DNAH3: variants seen among roughly 807,000 people sequenced by gnomAD.
DNAH3 encodes the protein axonemal beta dynein heavy chain 3.
DNAH3 carries 332 observed loss-of-function variants against 432.5 expected under a neutral mutation model. The observed-to-expected ratio is 0.77, with a 90% CI of 0.70 to 0.84. The LOEUF (loss-of-function observed/expected upper bound fraction) is 0.84. DNAH3 is among the 40% of genes least tolerant of loss of function. DNAH3 has a pLI of 0.00. For missense variants in DNAH3, 4,861 were observed against 5,114.0 expected (o/e 0.95, Z 1.51); for synonymous variants, 1,956 against 1,900.2 (o/e 1.03, Z -0.76).
At chr16:21,147,395 T>C (rs1180299015) in intron 1 of DNAH3, among the ~76,000 whole-genome samples, 1 of 152,032 alleles carries the variant, frequency 6.6e-6, no homozygotes, top group Non-Finnish European at 1.5e-5. Context: ...TTCATATTTT[T>C]AGTAGAGACG....
intron 18 of DNAH3, among the ~76,000 whole-genome samples, chr16:21,091,801 A>G (rs1470650037): frequency 1.3e-5 from 2 of 152,134 alleles, no homozygotes; most frequent in Non-Finnish European, 2.9e-5. Flanking sequence ...GGGTGACAGA[A>G]TAAGACTCTG....
exon 42 of DNAH3, chr16:21,003,104 C>T (rs1171639259): frequency 6.3e-7 from 1 of 1,596,814 alleles, no homozygotes; most frequent in Admixed American, 1.7e-5. Flanking sequence ...CTCTTTATAC[C>T]TTTGCACCAG....
intron 35 of DNAH3, 25 bp from the exon 36 acceptor site, chr16:21,034,110 A>G: frequency 6.6e-7 from 1 of 1,517,446 alleles, no homozygotes; most frequent in South Asian, 1.1e-5. Context: ...CATTCATAAA[A>G]GAAGCTAATC....
intron 48 of DNAH3, among the ~76,000 whole-genome samples, chr16:20,983,280 C>A (rs988350601): frequency 2.6e-5 from 4 of 152,112 alleles, no homozygotes; most frequent in African/African-American, 9.7e-5. Flanking sequence ...CACCCACCAC[C>A]ACTTCCAGCT....
At chr16:21,128,865 G>GA (rs766015503) in intron 7 of DNAH3, among the ~76,000 whole-genome samples, 1,495 of 55,800 alleles carry the variant, frequency 0.027, 57 homozygotes, top group Admixed American at 0.16. Flanking sequence ...TCTCTACAAA[G>GA]AAAAAAAAAA....
intron 1 of DNAH3, among the ~76,000 whole-genome samples, chr16:21,152,641 G>A (rs2092866325): frequency 1.3e-5 from 2 of 152,248 alleles, no homozygotes; most frequent in African/African-American, 4.8e-5. Flanking sequence ...GCGCTTGCGG[G>A]CCAGCTGGAG....
chr16:20,976,027 G>A (rs1247086287), intron 50 of DNAH3, among the ~76,000 whole-genome samples: 2 of 151,992 alleles, frequency 1.3e-5, no homozygotes, highest in Non-Finnish European at 2.9e-5. Context: ...TTACAGGCAT[G>A]AGCCACCACG....
intron 43 of DNAH3, among the ~76,000 whole-genome samples, chr16:20,998,787 T>C (rs1341002508): frequency 1.3e-5 from 2 of 151,370 alleles, no homozygotes; most frequent in Non-Finnish European, 2.9e-5. Flanking sequence ...TTAGTTTTTC[T>C]TCAACAAACA....
intron 41 of DNAH3, among the ~76,000 whole-genome samples, chr16:21,018,858 A>G (rs1259723787): frequency 6.6e-6 from 1 of 151,918 alleles, no homozygotes; most frequent in African/African-American, 2.4e-5. Context: ...TCATACCACT[A>G]TACTCCAGCA....
chr16:21,065,765 T>C (rs188588040), intron 24 of DNAH3, among the ~76,000 whole-genome samples: 45 of 152,324 alleles, frequency 3.0e-4, no homozygotes, highest in Admixed American at 7.8e-4. Flanking sequence ...ATTCCTATCA[T>C]TGCAGAAAGT....
intron 33 of DNAH3, among the ~76,000 whole-genome samples, chr16:21,038,563 A>G (rs191314): frequency 0.51 from 77,373 of 151,934 alleles, 19,873 homozygotes; most frequent in African/African-American, 0.59. Flanking sequence ...TTCAGCGAGT[A>G]AAAAATAAAC....
intron 1 of DNAH3, among the ~76,000 whole-genome samples, chr16:21,153,736 G>A (rs1401663120): frequency 6.6e-6 from 1 of 152,052 alleles, no homozygotes; most frequent in East Asian, 1.9e-4. Context: ...ACAAACTCCA[G>A]ACGCGCTACC....
intron 28 of DNAH3, among the ~76,000 whole-genome samples, chr16:21,052,626 A>G (rs330137): frequency 0.7 from 106,932 of 152,040 alleles, 37,970 homozygotes; most frequent in East Asian, 1. Flanking sequence ...AGGTACATAC[A>G]TACATATCTA....
At chr16:21,064,995 CCA>C (rs2090494582) in intron 24 of DNAH3, among the ~76,000 whole-genome samples, 1 of 151,182 alleles carries the variant, frequency 6.6e-6, no homozygotes, top group South Asian at 2.1e-4. Context: ...GATCATTTTA[CCA>C]GTCTTGTATC....
At chr16:20,989,946 G>C (rs887714529) in intron 44 of DNAH3, among the ~76,000 whole-genome samples, 1 of 152,190 alleles carries the variant, frequency 6.6e-6, no homozygotes, top group Non-Finnish European at 1.5e-5. Context: ...TGCGGGGCCC[G>C]CCAAGCCCAC....
At position 20,937,667 on chromosome 16, in the gene DNAH3, T is replaced by C. The variant is rs375550385; in HGVS notation, c.11655-814A>G. The stretch of plus-strand genomic sequence containing the variant: ...CCTCAGTCTCCTGAGTAGCTGGGAC[T>C]ACAGGCACATGCCACTATGCCCACC... On this transcript the variant is annotated intron_variant, in intron 59 of 61. Transcript: ENST00000261383. Among the ~76,000 whole-genome samples the C allele has an allele frequency of 2.6e-5, 4 of 151,726 alleles. No homozygotes were observed. In the South Asian group the frequency reaches 8.3e-4, roughly 32 times the overall value.
chr16:21,127,904 T>C, intron 7 of DNAH3, 92 bp from the exon 9 acceptor site: 1 of 1,451,068 alleles, frequency 6.9e-7, no homozygotes, highest in Non-Finnish European at 9.5e-7. Flanking sequence ...TTCACGTTTC[T>C]CAATGAAAGT....
rs147887546 is a variant in DNAH3 at position 21,062,703 on chromosome 16, G to C, written c.3519-20C>G. 2.6e-4 allele frequency: 417 copies of C among 1,598,166 alleles called. 2 individuals carry two copies. The East Asian group carries it at 7.8e-3, about 30-fold the overall frequency. On this transcript the variant is annotated intron_variant, in intron 24 of 61. Transcript: ENST00000261383. ...AAGAATCTATTTCAAAGCAAAGAAAGATGGTAACTGGAACCTCTTCCAAGA... is the reference window on the plus strand; with the variant it reads ...AAGAATCTATTTCAAAGCAAAGAAACATGGTAACTGGAACCTCTTCCAAGA...
chr16:21,088,236 T>C (rs1021856670), intron 18 of DNAH3, among the ~76,000 whole-genome samples: 2 of 152,212 alleles, frequency 1.3e-5, no homozygotes, highest in Non-Finnish European at 2.9e-5. Flanking sequence ...CCAGGAAATA[T>C]TGTAGGTGCT....
Sources: allele counts gnomAD v4.1 joint callset (sites outside exome capture counted in the v4.1 genomes callset), GRCh38; gene constraint gnomAD v4.1.1; transcripts MANE v1.5; gene names NCBI Gene and HGNC (gene_info 2026-07-23, HGNC 2026-07-21).